SYNE2: variants seen among roughly 807,000 people sequenced by gnomAD.
The protein encoded by SYNE2 is nesprin-2.
SYNE2 carries 431 observed loss-of-function variants against 856.3 expected under a neutral mutation model. The observed-to-expected ratio is 0.50, with a 90% CI of 0.47 to 0.55. The LOEUF (loss-of-function observed/expected upper bound fraction) is 0.55, where lower values mean the gene tolerates loss of function less well. Among genes scored for constraint, SYNE2 ranks in the 20% least tolerant of loss-of-function variants. The pLI, the probability that SYNE2 is intolerant of heterozygous loss-of-function variation, is 0.00. For missense variants in SYNE2, 8,129 were observed against 8,023.2 expected, an observed-to-expected ratio of 1.01 and a Z score of -0.50; for synonymous variants, 2,923 against 2,872.3, an observed-to-expected ratio of 1.02 and a Z score of -0.56.
At chr14:63,803,223 G>A (rs999411817) in intron 1 of SYNE2, among the ~76,000 whole-genome samples, 1 of 152,240 alleles carries the variant, frequency 6.6e-6, no homozygotes, top group Non-Finnish European at 1.5e-5. Context: ...CCCCACCGGG[G>A]CTGCAGGTGG....
intron 1 of SYNE2, among the ~76,000 whole-genome samples, chr14:63,846,658 C>T (rs1187682921): frequency 5.3e-5 from 8 of 151,784 alleles, no homozygotes; most frequent in Non-Finnish European, 1.0e-4. Flanking sequence ...TGTAGCGGCA[C>T]AATCTCAGCT....
chr14:64,168,024 G>A (rs888843144), intron 92 of SYNE2, among the ~76,000 whole-genome samples: 7 of 152,136 alleles, frequency 4.6e-5, no homozygotes, highest in Non-Finnish European at 7.3e-5. Context: ...TAACTGTAGC[G>A]TTAATAATTT....
intron 27 of SYNE2, among the ~76,000 whole-genome samples, chr14:63,999,628 T>A (rs1219033456): frequency 6.6e-6 from 1 of 152,192 alleles, no homozygotes; most frequent in Non-Finnish European, 1.5e-5. Context: ...AGCAATCTAT[T>A]AGTGGTTGGC....
intron 7 of SYNE2, among the ~76,000 whole-genome samples, chr14:63,951,539 G>T (rs941145525): frequency 6.6e-6 from 1 of 152,154 alleles, no homozygotes; most frequent in Non-Finnish European, 1.5e-5. Flanking sequence ...CTGACCTCAG[G>T]TGATCTGCCC....
At chr14:64,209,874 T>G (rs532033753) in intron 102 of SYNE2, 68 bp from the exon 103 acceptor site, 5 of 1,603,650 alleles carry the variant, frequency 3.1e-6, no homozygotes, top group Non-Finnish European at 4.3e-6. Flanking sequence ...TCGCTTGGGA[T>G]GTAGAAGGGA....
intron 108 of SYNE2, among the ~76,000 whole-genome samples, chr14:64,216,747 C>T (rs548369172): frequency 2.0e-5 from 3 of 152,186 alleles, no homozygotes; most frequent in Non-Finnish European, 4.4e-5. Flanking sequence ...GTTGTGGAGA[C>T]GGAGTCTCAT....
In SYNE2 at chr14:64,102,026, C is replaced by CAAAAAAAAA; in HGVS notation, c.12476_12477insAAAAAAAAA (p.Ser4159_Gly4160insLysLysAsn). 2 of 1,613,624 alleles carry CAAAAAAAAA rather than the reference C, an allele frequency of 1.2e-6. No individual in the cohort carries two copies. The highest frequency in any genetic ancestry group is 1.7e-6 in the Non-Finnish European group (2 of 1,179,546). ...GAAGAAGACAGAGCTTCCTCATCCT[C>CAAAAAAAAA]TGGAACAATTGTTCAGGTAATGCTG... On this transcript the variant is annotated inframe_insertion, in exon 64 of 116. Coordinates refer to ENST00000555002, the MANE Select transcript of SYNE2 (RefSeq NM_182914.3).
At chr14:64,172,682 A>G (rs555642939) in intron 94 of SYNE2, among the ~76,000 whole-genome samples, 22 of 152,292 alleles carry the variant, frequency 1.4e-4, no homozygotes, top group Admixed American at 1.3e-3. Flanking sequence ...CTGAAATCCC[A>G]ACACTTTGGG....
intron 100 of SYNE2, among the ~76,000 whole-genome samples, chr14:64,208,472 C>T (rs578071229): frequency 6.6e-5 from 10 of 152,276 alleles, no homozygotes; most frequent in Admixed American, 3.9e-4. Context: ...AATGGCGCCA[C>T]CTGTCAGTGC....
At chr14:64,071,142 G>A (rs2097403119) in intron 52 of SYNE2, among the ~76,000 whole-genome samples, 2 of 152,020 alleles carry the variant, frequency 1.3e-5, no homozygotes, top group Admixed American at 1.3e-4. Flanking sequence ...ATCATTTGTG[G>A]GTTTTTTGTT....
At chr14:63,948,914 T>C (rs2096100844) in intron 6 of SYNE2, among the ~76,000 whole-genome samples, 1 of 150,668 alleles carries the variant, frequency 6.6e-6, no homozygotes, top group Non-Finnish European at 1.5e-5. Flanking sequence ...ATACTCTGAA[T>C]GATTTCAGTC....
chr14:63,967,616 T>G lies in SYNE2; in HGVS notation c.991-93T>G, dbSNP rs1049652096. The G allele has an allele frequency of 5.2e-6, 7 of 1,349,132 alleles. No homozygotes were observed. The East Asian group carries it at 1.8e-4, about 34-fold the overall frequency. The allele number at this position is 1,349,132 out of a possible 1,614,324, so 83.6% of individuals were successfully genotyped here. On this transcript the variant is annotated intron_variant, in intron 10 of 115. Transcript: ENST00000555002. The stretch of plus-strand genomic sequence containing the variant: ...TTTTACCTTTAAGTAAAAACTTAAA[T>G]ATATCCTATACCTATAGACCTCAAA...
intron 1 of SYNE2, among the ~76,000 whole-genome samples, chr14:63,867,265 A>G (rs151257004): frequency 7.3e-4 from 111 of 152,320 alleles, no homozygotes; most frequent in African/African-American, 2.5e-3. Flanking sequence ...AACTTAGCAC[A>G]GCACATTTAT....
At chr14:63,932,155 C>T (rs2095765175) in intron 2 of SYNE2, among the ~76,000 whole-genome samples, 2 of 152,032 alleles carry the variant, frequency 1.3e-5, no homozygotes, top group East Asian at 3.9e-4. Flanking sequence ...GCAGGTGGAG[C>T]ACCTCACCTG....
chr14:63,764,293 T>C (rs1595088852), intron 1 of SYNE2, among the ~76,000 whole-genome samples: 3 of 152,160 alleles, frequency 2.0e-5, no homozygotes, highest in South Asian at 4.1e-4. Flanking sequence ...GTCAGAAACA[T>C]AGAAGCCACT....
At chr14:63,791,725 T>G (rs1424730506) in intron 1 of SYNE2, among the ~76,000 whole-genome samples, 1 of 151,988 alleles carries the variant, frequency 6.6e-6, no homozygotes, top group Non-Finnish European at 1.5e-5. Flanking sequence ...GGGAGGATCA[T>G]GAGGTCAGGA....
At chr14:64,199,714 A>C (rs2098553567) in intron 99 of SYNE2, among the ~76,000 whole-genome samples, 2 of 67,962 alleles carry the variant, frequency 2.9e-5, no homozygotes, top group Admixed American at 1.3e-4. Context: ...ACTCTGTCTC[A>C]AAAAAAAAAA....
chr14:64,090,842 A>T, intron 59 of SYNE2, 24 bp from the exon 60 acceptor site: 1 of 1,603,856 alleles, frequency 6.2e-7, no homozygotes, highest in East Asian at 2.2e-5. Context: ...CATTTCTGTA[A>T]CATGCTCCTC....
At chr14:64,153,263 T>C (rs2153705220) in intron 85 of SYNE2, among the ~76,000 whole-genome samples, 1 of 152,320 alleles carries the variant, frequency 6.6e-6, no homozygotes, top group East Asian at 1.9e-4. Context: ...GTCAGCATTT[T>C]ACCCCTTCCA....
Sources: allele counts gnomAD v4.1 joint callset (sites outside exome capture counted in the v4.1 genomes callset), GRCh38; gene constraint gnomAD v4.1.1; transcripts MANE v1.5; gene names NCBI Gene and HGNC (gene_info 2026-07-23, HGNC 2026-07-21).